Variants in ATMIN observed in about 807,000 individuals in gnomAD.
The protein encoded by ATMIN is ATM interactor, also known as ATM INteracting protein.
A neutral mutation model predicts 49.2 loss-of-function variants in ATMIN; 24 were observed. That is an observed-to-expected ratio of 0.49 (90% CI 0.35 to 0.69). The LOEUF is 0.69. Among genes scored for constraint, ATMIN ranks in the 30% least tolerant of loss-of-function variants. The pLI, the probability that ATMIN is intolerant of heterozygous loss-of-function variation, is 0.00. For missense variants in ATMIN, 1,037 were observed against 1,005.5 expected, an observed-to-expected ratio of 1.03 and a Z score of -0.42; for synonymous variants, 450 against 392.5, an observed-to-expected ratio of 1.15 and a Z score of -1.73.
At chr16:81,038,451 A>G (rs1970983482) in intron 1 of ATMIN, among the ~76,000 whole-genome samples, 1 of 152,042 alleles carries the variant, frequency 6.6e-6, no homozygotes, top group African/African-American at 2.4e-5. Flanking sequence ...TTTTTTTAGC[A>G]GGAATTATAC....
At chr16:81,038,950 C>G (rs138658595) in intron 1 of ATMIN, among the ~76,000 whole-genome samples, 170 of 152,282 alleles carry the variant, frequency 1.1e-3, no homozygotes, top group African/African-American at 3.9e-3. Flanking sequence ...CATGCTCCAC[C>G]ACGCCCGACT....
chr16:81,043,227 C>T lies in ATMIN; in HGVS notation c.729C>T (p.Thr243=). ...AAAACCAGAAGTTATCCAACAAGACCATTGAATCATTGAACAACCAACCAA... is the reference window on the plus strand; with the variant it reads ...AAAACCAGAAGTTATCCAACAAGACTATTGAATCATTGAACAACCAACCAA... ...CAQNQKLSNK[T]IESLNNQPIP... The change falls in exon 4 of 4, where the codon ACC becomes ACT. Residue 243 remains threonine (T), a synonymous_variant. Transcript: ENST00000299575. 1 of 1,613,852 alleles carries T rather than the reference C, an allele frequency of 6.2e-7. No homozygotes were observed. The highest frequency in any genetic ancestry group is 8.5e-7 in the Non-Finnish European group (1 of 1,179,942).
Position 81,036,166 on chromosome 16 carries a change from C to G in ATMIN, c.296C>G (p.Pro99Arg). 1 of 1,476,330 alleles carries G rather than the reference C, an allele frequency of 6.8e-7. No homozygotes were observed. The highest frequency in any genetic ancestry group is 9.0e-7 in the Non-Finnish European group (1 of 1,108,556). The allele number at this position is 1,476,330 out of a possible 1,614,324, so 91.5% of individuals were successfully genotyped here. Residue 99 changes from proline to arginine, a missense_variant, in exon 1 of 4, where the codon CCC becomes CGC. By Grantham distance (103) the Pro-to-Arg change is moderately radical. Transcript: ENST00000299575. ...RGCGKILPNS[P>R]ALNMHLVKSH... is the part of the protein sequence containing the mutation. ...TGCGGCAAGATCCTGCCCAACAGCC[C>G]CGCGCTCAACATGCACCTAGTCAAG...
rs2151739901 is a variant in ATMIN at position 81,042,414 on chromosome 16, A to C, written c.596A>C (p.Tyr199Ser). 6.2e-7 allele frequency: 1 copy of C among 1,614,218 alleles called. No individual in the cohort carries two copies. Among genetic ancestry groups the C allele is most frequent in the Non-Finnish European group, 8.5e-7 (1 of 1,180,048 alleles). ...TTCCGGTGCACATGCGGCTGTCCCT[A>C]CGCCAGTAGAACAGCACTGCAGTCT... ...KTFRCTCGCP[Y>S]ASRTALQSHI... Residue 199 changes from tyrosine to serine, a missense_variant, in exon 3 of 4, where the codon TAC (tyrosine) becomes TCC (serine). Physicochemically the swap from Tyr to Ser is moderately radical, Grantham distance 144. Transcript: ENST00000299575.
In ATMIN at chr16:81,046,818, G is replaced by C. The variant is rs1420107271; in HGVS notation, c.*1848G>C. 1 of 152,620 alleles carries C rather than the reference G, an allele frequency of 6.6e-6. No individual in the cohort carries two copies. Among genetic ancestry groups the C allele is most frequent in the African/African-American group, 2.4e-5 (1 of 41,434 alleles). 9.5% of individuals were successfully genotyped at this position (152,620 alleles called of 1,614,324 possible). ...CTACTAATTCCTATCCCATACATTTGACACAAAAGAAGTGTTGGTAATGGA... is the reference window on the plus strand; with the variant it reads ...CTACTAATTCCTATCCCATACATTTCACACAAAAGAAGTGTTGGTAATGGA... On this transcript the variant is annotated 3_prime_UTR_variant, in exon 4 of 4. Transcript: ENST00000299575.
In ATMIN at chr16:81,043,779, T is replaced by C. The variant is rs34105513; in HGVS notation, c.1281T>C (p.Ser427=). The change falls in exon 4 of 4, where the codon TCT becomes TCC. Residue 427 remains serine (S), a synonymous_variant. Transcript: ENST00000299575. ...LSYASQNFIP[S]AQWATADSSV... ...ATGCCTCACAAAACTTTATACCTTC[T>C]GCACAGTGGGCCACTGCTGATTCCT... The C allele has an allele frequency of 9.5e-3, 15,350 of 1,614,216 alleles. 286 individuals carry two copies. The highest frequency in any genetic ancestry group is 0.058 in the African/African-American group (4,388 of 75,054).
chr16:81,041,442 C>T lies in ATMIN; in HGVS notation c.423C>T (p.Gly141=), dbSNP rs1971036176. ...GTCCAATTGAAGGCTGCCCCAGAGGCCCTGAGAGACCGTTTTCTCAGTTTT... is the reference window on the plus strand; with the variant it reads ...GTCCAATTGAAGGCTGCCCCAGAGGTCCTGAGAGACCGTTTTCTCAGTTTT... ...YCCPIEGCPR[G]PERPFSQFSL... The change falls in exon 2 of 4, where the codon GGC becomes GGT. Residue 141 remains glycine (G), a synonymous_variant. Transcript: ENST00000299575. The T allele has an allele frequency of 1.2e-6, 2 of 1,611,884 alleles. No homozygotes were observed. Among genetic ancestry groups the T allele is most frequent in the Non-Finnish European group, 1.7e-6 (2 of 1,179,520 alleles).
rs1291849863 is a variant in ATMIN, at chr16:81,035,848, G to A, written c.-23G>A. 1 of 777,916 alleles carries A rather than the reference G, an allele frequency of 1.3e-6. No homozygotes were observed. Among genetic ancestry groups the A allele is most frequent in the Non-Finnish European group, 1.6e-6 (1 of 641,192 alleles). 48.2% of individuals were successfully genotyped at this position (777,916 alleles called of 1,614,324 possible). Reference sequence around the variant, plus strand: ...CGGCGGGGGCGGGGCCTACGAACTGGGCCGGGCGGCCGTGCGGGAGCCATG... The same window carrying A: ...CGGCGGGGGCGGGGCCTACGAACTGAGCCGGGCGGCCGTGCGGGAGCCATG... On this transcript the variant is annotated 5_prime_UTR_variant, in exon 1 of 4. Transcript: ENST00000299575.
intron 1 of ATMIN, among the ~76,000 whole-genome samples, chr16:81,036,973 C>A (rs1268483707): frequency 1.3e-5 from 2 of 152,188 alleles, no homozygotes; most frequent in African/African-American, 4.8e-5. Context: ...AGGGAAATTG[C>A]CCCTGTGGCT....
chr16:81,036,274 C>CTGTCCCCTCCACT, intron 1 of ATMIN, 68 bp downstream of exon 1: 1 of 1,158,390 alleles, frequency 8.6e-7, no homozygotes, highest in Non-Finnish European at 1.1e-6. Context: ...GGCGCCGGCG[C>CTGTCCCCTCCACT]GCGAAGCCGG....
At position 81,043,752 on chromosome 16, in the gene ATMIN, T is replaced by G. The variant is rs1462444963; in HGVS notation, c.1254T>G (p.Ser418=). Residue 418 remains serine (S), a synonymous_variant, in exon 4 of 4, where the codon TCT becomes TCG. Coordinates refer to ENST00000299575, the MANE Select transcript of ATMIN (RefSeq NM_015251.3). ...CAATCAACGTGCAGACAGATCTGTC[T>G]TATGCCTCACAAAACTTTATACCTT... ...ISSINVQTDL[S]YASQNFIPSA... The G allele has an allele frequency of 6.2e-7, 1 of 1,614,154 alleles. No individual in the cohort carries two copies. Among genetic ancestry groups the G allele is most frequent in the African/African-American group, 1.3e-5 (1 of 74,948 alleles).
intron 1 of ATMIN, chr16:81,037,083 A>T: frequency 1.4e-6 from 1 of 710,356 alleles, no homozygotes; most frequent in Non-Finnish European, 1.7e-6. Flanking sequence ...CTTGGGACAC[A>T]TCTGTGACAA....
Position 81,043,350 on chromosome 16 carries a change from T to TA in ATMIN, c.853dup (p.Thr285AsnfsTer21). 2 of 1,609,352 alleles carry TA rather than the reference T, an allele frequency of 1.2e-6. No individual in the cohort carries two copies. Among genetic ancestry groups the TA allele is most frequent in the Non-Finnish European group, 1.7e-6 (2 of 1,178,218 alleles). Reference sequence around the variant, plus strand: ...GCTCTAACACTGACAAGCAGACTCTTACAACACCACCGAGATATCCTCAGA... The same window carrying TA: ...GCTCTAACACTGACAAGCAGACTCTTAACAACACCACCGAGATATCCTCAGA... On this transcript the variant is annotated frameshift_variant, in exon 4 of 4. Transcript: ENST00000299575. LOFTEE classifies it low-confidence loss of function (END_TRUNC).
chr16:81,047,254 C>A lies in ATMIN; in HGVS notation c.*2284C>A, dbSNP rs1219707766. 6.6e-6 allele frequency: 1 copy of A among 152,010 alleles called. No individual in the cohort carries two copies. The allele number at this position is 152,010 out of a possible 1,614,324, so 9.4% of individuals were successfully genotyped here. A position where few individuals can be genotyped will look rare whatever the true frequency, so the allele number is the denominator to read the frequency against. On this transcript the variant is annotated 3_prime_UTR_variant, in exon 4 of 4. Transcript: ENST00000299575. ...AGAATTGTACCCTTTTTTGTGAATT[C>A]TTGAACGTACTCATAAATATGACTT...
At position 81,043,241 on chromosome 16, in the gene ATMIN, A is replaced by C. The variant is rs142951248; in HGVS notation, c.743A>C (p.Asn248Thr). 4.3e-6 allele frequency: 7 copies of C among 1,614,134 alleles called. No individual in the cohort carries two copies. The highest frequency in any genetic ancestry group is 1.7e-4 in the Middle Eastern group (1 of 6,060). ...KLSNKTIESLNNQPIPRPDTQ... is the reference protein window; with the variant it reads ...KLSNKTIESLTNQPIPRPDTQ... ...TCCAACAAGACCATTGAATCATTGA[A>C]CAACCAACCAATCCCTAGACCAGAC... is the stretch of plus-strand genomic sequence containing the variant. Residue 248 changes from asparagine to threonine, a missense_variant, in exon 4 of 4, where the codon AAC (asparagine) becomes ACC (threonine). Transcript: ENST00000299575.
chr16:81,044,058 T>G lies in ATMIN; in HGVS notation c.1560T>G (p.Ser520Arg). 6.2e-7 allele frequency: 1 copy of G among 1,614,110 alleles called. No individual in the cohort carries two copies. Among genetic ancestry groups the G allele is most frequent in the Non-Finnish European group, 8.5e-7 (1 of 1,179,996 alleles). ...QAGMCGDIFE[S>R]VHSSYNVATG... ...GAATGTGCGGAGACATTTTTGAGAG[T>G]GTTCATTCATCATATAATGTTGCTA... Residue 520 changes from serine (S) to arginine (R), a missense_variant, in exon 4 of 4, where the codon AGT (serine) becomes AGG (arginine). Transcript: ENST00000299575.
intron 1 of ATMIN, chr16:81,037,304 C>G (rs1970955890): frequency 9.1e-6 from 9 of 985,280 alleles, no homozygotes; most frequent in Non-Finnish European, 9.6e-6. Flanking sequence ...TTCTGTCTGC[C>G]CATAGTCAGG....
chr16:81,046,879 G>A lies in ATMIN; in HGVS notation c.*1909G>A, dbSNP rs1473635782. 1 of 152,642 alleles carries A rather than the reference G, an allele frequency of 6.6e-6. No homozygotes were observed. Among genetic ancestry groups the A allele is most frequent in the African/African-American group, 2.4e-5 (1 of 41,452 alleles). 9.5% of individuals were successfully genotyped at this position (152,642 alleles called of 1,614,324 possible). On this transcript the variant is annotated 3_prime_UTR_variant, in exon 4 of 4. Transcript: ENST00000299575. ...ATCCCGGGCAGATGAGCTCAACCTA[G>A]TAGGTAAGAGTTTGGTTTGGTCACA...
At position 81,046,109 on chromosome 16, in the gene ATMIN, G is replaced by T. The variant is rs562319221; in HGVS notation, c.*1139G>T. The T allele has an allele frequency of 1.3e-5, 2 of 152,296 alleles. No homozygotes were observed. Among genetic ancestry groups the T allele is most frequent in the Non-Finnish European group, 2.9e-5 (2 of 68,040 alleles). The allele number at this position is 152,296 out of a possible 1,614,324, so 9.4% of individuals were successfully genotyped here. A position where few individuals can be genotyped will look rare whatever the true frequency, so the allele number is the denominator to read the frequency against. On this transcript the variant is annotated 3_prime_UTR_variant, in exon 4 of 4. Transcript: ENST00000299575. ...GACTTCATCTTGGGGTGTGTCCTAT[G>T]AAGATCCTTTCTGGTCTCCACAGTA...
Sources: gnomAD v4.1 joint callset for allele counts (sites outside exome capture counted in the v4.1 genomes callset) on GRCh38, gnomAD v4.1.1 for gene constraint, MANE v1.5 for transcripts, NCBI Gene and HGNC (gene_info 2026-07-23, HGNC 2026-07-21) for gene names.